SMOC2: variants seen among roughly 807,000 people sequenced by gnomAD.
SMOC2 encodes SPARC-related modular calcium-binding protein 2.
Under a neutral mutation model 61.4 loss-of-function variants are expected in SMOC2, and 39 were observed. The observed-to-expected ratio is 0.64, with a 90% confidence interval of 0.49 to 0.83. The LOEUF is 0.83. Ranked by LOEUF, SMOC2 falls within the 40% of genes least tolerant of loss-of-function variation. The pLI is 0.00. For missense variants in SMOC2, 556 were observed against 592.9 expected, an observed-to-expected ratio of 0.94 and a Z score of 0.65; for synonymous variants, 247 against 239.9, an observed-to-expected ratio of 1.03 and a Z score of -0.27.
intron 7 of SMOC2, among the ~76,000 whole-genome samples, chr6:168,578,939 G>A (rs891543677): frequency 4.6e-5 from 7 of 152,170 alleles, no homozygotes; most frequent in African/African-American, 9.7e-5. Context: ...TCTCCTGACC[G>A]GCATTCTGGG....
chr6:168,536,424 G>A (rs912250671), intron 4 of SMOC2, among the ~76,000 whole-genome samples: 3 of 152,130 alleles, frequency 2.0e-5, no homozygotes, highest in African/African-American at 7.2e-5. Flanking sequence ...GGCGGATAAG[G>A]AGGTGGTTGG....
rs185102551 is a variant in SMOC2 at position 168,442,732 on chromosome 6, T to A, written c.84+1278T>A. 5.2e-5 allele frequency among the ~76,000 whole-genome samples: 8 copies of A among 152,388 alleles called. No individual in the cohort carries two copies. The East Asian group carries it at 1.5e-3, about 29-fold the overall frequency. On this transcript the variant is annotated intron_variant, in intron 1 of 12. Coordinates refer to ENST00000356284, the MANE Select transcript of SMOC2 (RefSeq NM_001166412.2). ...TTCTTTTTCTTTTTCTTTTTCTTCG[T>A]CTTCTTTCTTTTGCGTTTTAGCAGT...
At chr6:168,516,376 C>CAA (rs3065283) in intron 2 of SMOC2, among the ~76,000 whole-genome samples, 1,560 of 134,068 alleles carry the variant, frequency 0.012, 33 homozygotes, top group African/African-American at 0.036. Context: ...ATAGAAAAGC[C>CAA]AAAAAAAAAA....
chr6:168,511,811 G>A (rs796248038), intron 2 of SMOC2, among the ~76,000 whole-genome samples: 1 of 130,734 alleles, frequency 7.6e-6, no homozygotes, highest in Non-Finnish European at 1.6e-5. Flanking sequence ...ATTATCAAGG[G>A]TTGTTTTTTT....
intron 1 of SMOC2, among the ~76,000 whole-genome samples, chr6:168,472,181 T>G (rs1781979891): frequency 6.6e-6 from 1 of 152,148 alleles, no homozygotes; most frequent in Non-Finnish European, 1.5e-5. Flanking sequence ...TAGTTTTGAG[T>G]CTTAGGTTTA....
At chr6:168,541,512 G>C (rs753854414) in intron 4 of SMOC2, among the ~76,000 whole-genome samples, 1 of 152,150 alleles carries the variant, frequency 6.6e-6, no homozygotes, top group South Asian at 2.1e-4. Flanking sequence ...GTCTGGATTT[G>C]TGTGCTTGCA....
chr6:168,612,206 T>C (rs527538811), intron 9 of SMOC2, among the ~76,000 whole-genome samples: 153 of 151,516 alleles, frequency 1.0e-3, no homozygotes, highest in African/African-American at 3.5e-3. Context: ...GCTGGGTTCG[T>C]GATCTCCATC....
At position 168,601,158 on chromosome 6, in the gene SMOC2, G is replaced by C. The variant is rs115799726; in HGVS notation, c.824+2154G>C. ...CCAAGTGTCACCAGTAGACATTTGT[G>C]GGGGAAACTGTGTAGTTTCCAGGGG... On this transcript the variant is annotated intron_variant, in intron 8 of 12. Coordinates refer to ENST00000356284, the MANE Select transcript of SMOC2 (RefSeq NM_001166412.2). Among the ~76,000 whole-genome samples the C allele has an allele frequency of 4.6e-3, 694 of 152,342 alleles. 5 individuals are homozygous for C. The highest frequency in any genetic ancestry group is 0.016 in the African/African-American group (663 of 41,590).
intron 7 of SMOC2, among the ~76,000 whole-genome samples, chr6:168,587,234 A>G (rs950316682): frequency 2.6e-5 from 4 of 152,224 alleles, no homozygotes; most frequent in Admixed American, 6.5e-5. Context: ...ATACACTCAT[A>G]TATTCTTCCA....
intron 1 of SMOC2, among the ~76,000 whole-genome samples, chr6:168,509,612 A>G (rs916631057): frequency 6.6e-6 from 1 of 152,198 alleles, no homozygotes; most frequent in African/African-American, 2.4e-5. Flanking sequence ...TGCTACTCAG[A>G]CTTTAAGCGT....
chr6:168,524,924 T>C (rs1030599893), intron 2 of SMOC2, among the ~76,000 whole-genome samples: 2 of 152,244 alleles, frequency 1.3e-5, no homozygotes, highest in Non-Finnish European at 2.9e-5. Context: ...AGGAGCCCGC[T>C]GTGACGGGTG....
In SMOC2 at chr6:168,475,722, T is replaced by G. The variant is rs1440562818; in HGVS notation, c.85-34193T>G. On this transcript the variant is annotated intron_variant, in intron 1 of 12. Coordinates refer to ENST00000356284, the MANE Select transcript of SMOC2 (RefSeq NM_001166412.2). This position sits in a 1 kb window ranked among gnomAD's most constrained non-coding sequence, Gnocchi z 4.6. ...GAGACCTGGTGTGGGTCGAGGACAC[T>G]GCTCGGCGTTAGAAGAAGAAGTAGT... is the stretch of plus-strand genomic sequence containing the variant. Among the ~76,000 whole-genome samples the G allele has an allele frequency of 1.3e-5, 2 of 151,862 alleles. No homozygotes were observed. The highest frequency in any genetic ancestry group is 4.8e-5 in the African/African-American group (2 of 41,354).
intron 1 of SMOC2, among the ~76,000 whole-genome samples, chr6:168,487,383 G>A (rs183450738): frequency 6.6e-6 from 1 of 152,286 alleles, no homozygotes; most frequent in African/African-American, 2.4e-5. Flanking sequence ...TATAAGAGAT[G>A]CTGTGCCAAC....
At chr6:168,566,410 T>G (rs1172153044) in intron 7 of SMOC2, among the ~76,000 whole-genome samples, 9 of 151,688 alleles carry the variant, frequency 5.9e-5, no homozygotes, top group South Asian at 2.1e-4. Context: ...TTTTAAGAAC[T>G]AAAATTTTTA....
At chr6:168,518,943 A>G (rs923119537) in intron 2 of SMOC2, among the ~76,000 whole-genome samples, 4 of 138,608 alleles carry the variant, frequency 2.9e-5, no homozygotes, top group African/African-American at 5.5e-5. Flanking sequence ...ATATGCTTGC[A>G]TGTGTGTTAG....
intron 9 of SMOC2, among the ~76,000 whole-genome samples, chr6:168,625,090 C>T (rs534501933): frequency 9.8e-5 from 15 of 152,318 alleles, no homozygotes; most frequent in African/African-American, 3.6e-4. Context: ...AAGCGCCGCC[C>T]CCGCCCTTCC....
At chr6:168,512,829 G>C (rs551376296) in intron 2 of SMOC2, among the ~76,000 whole-genome samples, 2 of 152,190 alleles carry the variant, frequency 1.3e-5, no homozygotes, top group African/African-American at 4.8e-5. Context: ...AACATCTGGT[G>C]ATGATGCCAC....
intron 7 of SMOC2, among the ~76,000 whole-genome samples, chr6:168,569,000 G>C (rs1784607233): frequency 1.3e-5 from 2 of 152,192 alleles, no homozygotes; most frequent in South Asian, 4.1e-4. Context: ...TATGAATAAA[G>C]CTGCTAGAAA....
chr6:168,584,913 G>A (rs1785015182), intron 7 of SMOC2, among the ~76,000 whole-genome samples: 1 of 152,152 alleles, frequency 6.6e-6, no homozygotes, highest in Non-Finnish European at 1.5e-5. Context: ...CCCAGTTGAT[G>A]CCCCCTCACT....
Sources: allele counts gnomAD v4.1 joint callset (sites outside exome capture counted in the v4.1 genomes callset), GRCh38; gene constraint gnomAD v4.1.1; non-coding constraint Gnocchi (gnomAD v3.1); transcripts MANE v1.5; gene names NCBI Gene and HGNC (gene_info 2026-07-23, HGNC 2026-07-21).